DPP6: variants seen among roughly 807,000 people sequenced by gnomAD.
DPP6 encodes the protein A-type potassium channel modulatory protein DPP6.
Under a neutral mutation model 122.6 loss-of-function variants are expected in DPP6, and 69 were observed. The observed-to-expected ratio is 0.56, with a 90% CI of 0.46 to 0.69. The LOEUF (loss-of-function observed/expected upper bound fraction) is 0.69, where lower values mean the gene tolerates loss of function less well. DPP6 is among the 30% of genes least tolerant of loss of function. The pLI is 0.00. For synonymous variants in DPP6, 418 were observed against 433.1 expected (o/e 0.97, Z 0.43); for missense variants, 928 against 1,116.9 (o/e 0.83, Z 2.41).
At chr7:154,621,976 A>T (rs1356190363) in intron 5 of DPP6, among the ~76,000 whole-genome samples, 1 of 152,162 alleles carries the variant, frequency 6.6e-6, no homozygotes, top group Non-Finnish European at 1.5e-5. Flanking sequence ...TTCCTTCTTA[A>T]TGATGTGCTT....
the DPP6 span, among the ~76,000 whole-genome samples, chr7:153,873,777 A>C: frequency 1.3e-5 from 2 of 152,346 alleles, no homozygotes; most frequent in East Asian, 1.9e-4. Context: ...AAGGCACTGC[A>C]GAGCTGCCAA....
At chr7:154,467,699 C>G (rs999434364) in intron 2 of DPP6, among the ~76,000 whole-genome samples, 7 of 152,198 alleles carry the variant, frequency 4.6e-5, no homozygotes, top group African/African-American at 1.7e-4. Flanking sequence ...CTCTCCTTTT[C>G]AGTCCAAGCT....
chr7:154,124,681 T>C (rs1437990760), intron 1 of DPP6, among the ~76,000 whole-genome samples: 1 of 152,240 alleles, frequency 6.6e-6, no homozygotes, highest in Non-Finnish European at 1.5e-5. Flanking sequence ...ATGGCATCTA[T>C]GCTTTGTGCT....
chr7:154,772,758 G>C, intron 9 of DPP6, 87 bp from the exon 10 acceptor site: 1 of 1,542,662 alleles, frequency 6.5e-7, no homozygotes, highest in Admixed American at 2.0e-5. Context: ...TCCCACCTCG[G>C]AATCTCCCAG....
chr7:154,444,301 C>CAAA (rs768049544), intron 1 of DPP6, among the ~76,000 whole-genome samples: 5 of 124,594 alleles, frequency 4.0e-5, no homozygotes, highest in African/African-American at 1.5e-4. Context: ...ACTAAATAGA[C>CAAA]AAAAAAAAAA....
At chr7:154,824,435 A>G (rs1304949551) in intron 16 of DPP6, among the ~76,000 whole-genome samples, 6 of 152,078 alleles carry the variant, frequency 3.9e-5, no homozygotes, top group Admixed American at 3.9e-4. Flanking sequence ...ATGTGCCACC[A>G]CACCCAGCTA....
intron 3 of DPP6, among the ~76,000 whole-genome samples, chr7:154,484,453 C>T (rs1823613958): frequency 6.6e-6 from 1 of 152,212 alleles, no homozygotes; most frequent in East Asian, 1.9e-4. Context: ...TCGAAGCCTC[C>T]TGCATCCTTC....
chr7:154,627,154 A>T (rs1835130447), intron 5 of DPP6, among the ~76,000 whole-genome samples: 1 of 147,092 alleles, frequency 6.8e-6, no homozygotes, highest in South Asian at 2.1e-4. Flanking sequence ...CTGGAACTAC[A>T]GGCACCCACC....
chr7:154,184,945 A>T (rs1302662488), intron 1 of DPP6, among the ~76,000 whole-genome samples: 2 of 152,216 alleles, frequency 1.3e-5, no homozygotes, highest in Admixed American at 6.5e-5. Flanking sequence ...ATGACCACTC[A>T]TGCATCAACC....
At chr7:154,004,099 G>A (rs947665975) in intron 1 of DPP6, among the ~76,000 whole-genome samples, 1 of 152,166 alleles carries the variant, frequency 6.6e-6, no homozygotes. Context: ...GCTTTAGGAT[G>A]GTAGCTGTAG....
chr7:154,128,099 C>G (rs1808070177), intron 1 of DPP6, among the ~76,000 whole-genome samples: 1 of 149,534 alleles, frequency 6.7e-6, no homozygotes, highest in Admixed American at 6.7e-5. Context: ...TTTACCTTAC[C>G]CGCAACAGGC....
At chr7:154,334,749 AGCCAG>A (rs1163510999) in intron 1 of DPP6, among the ~76,000 whole-genome samples, 2 of 152,166 alleles carry the variant, frequency 1.3e-5, no homozygotes, top group Non-Finnish European at 2.9e-5. Context: ...TACAAAAAAT[AGCCAG>A]GCATGGTGGC....
At chr7:154,190,769 G>T (rs1798580103) in intron 1 of DPP6, among the ~76,000 whole-genome samples, 1 of 151,972 alleles carries the variant, frequency 6.6e-6, no homozygotes, top group East Asian at 1.9e-4. Flanking sequence ...CTGGTATTCT[G>T]GCAAGAGCTG....
the DPP6 span, among the ~76,000 whole-genome samples, chr7:153,793,156 T>C: frequency 2.0e-5 from 3 of 152,098 alleles, no homozygotes; most frequent in African/African-American, 7.2e-5. Flanking sequence ...ACATTGGAAC[T>C]GGGTAAGAGG....
chr7:154,023,318 G>GCACGCGCGCACACACACACA (rs373378162), intron 1 of DPP6, among the ~76,000 whole-genome samples: 4 of 129,618 alleles, frequency 3.1e-5, no homozygotes, highest in African/African-American at 9.6e-5. Context: ...TTTCTTGTCT[G>GCACGCGCGCACACACACACA]CACACACACA....
At chr7:153,906,019 A>G (rs1000305913) in intron 1 of DPP6, among the ~76,000 whole-genome samples, 14 of 152,256 alleles carry the variant, frequency 9.2e-5, no homozygotes, top group African/African-American at 3.1e-4. Flanking sequence ...AGTGTTACAC[A>G]GGTATTTTTC....
chr7:154,684,090 G>A (rs1393231598), intron 7 of DPP6, among the ~76,000 whole-genome samples: 3 of 152,012 alleles, frequency 2.0e-5, no homozygotes, highest in Admixed American at 6.6e-5. Context: ...AGCTGGTCTG[G>A]AACTCCTGCA....
intron 7 of DPP6, among the ~76,000 whole-genome samples, chr7:154,719,746 G>T (rs914143159): frequency 4.6e-5 from 7 of 152,210 alleles, no homozygotes; most frequent in Non-Finnish European, 7.3e-5. Flanking sequence ...GCTCTTCTCC[G>T]CAGGTCACTG....
chr7:154,329,230 T>C (rs540359787), intron 1 of DPP6, among the ~76,000 whole-genome samples: 1 of 152,364 alleles, frequency 6.6e-6, no homozygotes, highest in East Asian at 1.9e-4. Flanking sequence ...CCACATACAG[T>C]CCAGCATGGT....
Sources: gnomAD v4.1 joint callset for allele counts (sites outside exome capture counted in the v4.1 genomes callset) on GRCh38, gnomAD v4.1.1 for gene constraint, MANE v1.5 for transcripts, NCBI Gene and HGNC (gene_info 2026-07-23, HGNC 2026-07-21) for gene names.